DSCAM: variants seen among roughly 807,000 people sequenced by gnomAD.
DSCAM encodes cell adhesion molecule DSCAM.
DSCAM carries 47 observed loss-of-function variants against 217.7 expected under a neutral mutation model. The ratio of observed to expected loss-of-function variants is 0.22; its 90% CI spans 0.17 to 0.28. DSCAM has a LOEUF of 0.28. DSCAM is among the 10% of genes least tolerant of loss of function. The pLI, the probability that DSCAM is intolerant of heterozygous loss-of-function variation, is 1.00. For missense variants in DSCAM, 2,080 were observed against 2,618.3 expected, an observed-to-expected ratio of 0.79 and a Z score of 4.49; for synonymous variants, 1,056 against 1,015.3, an observed-to-expected ratio of 1.04 and a Z score of -0.76.
rs191035347 is a variant in DSCAM, at chr21:40,468,911, A to C, written c.509-99666T>G. On this transcript the variant is annotated intron_variant, in intron 3 of 32. Transcript: ENST00000400454. Reference sequence around the variant, plus strand: ...AAATTCCAGCGGGAGAGAAAGGTGGAAAGAGTAGGAATGGTATCATCCATA... The same window carrying C: ...AAATTCCAGCGGGAGAGAAAGGTGGCAAGAGTAGGAATGGTATCATCCATA... 2.9e-4 allele frequency among the ~76,000 whole-genome samples: 44 copies of C among 152,264 alleles called. 1 individual carries two copies. Among genetic ancestry groups the C allele is most frequent in the Admixed American group, 7.2e-4 (11 of 15,302 alleles).
At chr21:40,820,643 A>G (rs2091916992) in intron 1 of DSCAM, among the ~76,000 whole-genome samples, 1 of 152,224 alleles carries the variant, frequency 6.6e-6, no homozygotes, top group Non-Finnish European at 1.5e-5. Context: ...TTTTTAAATT[A>G]GGGTCATAAA....
intron 10 of DSCAM, among the ~76,000 whole-genome samples, chr21:40,278,257 T>C (rs2073715002): frequency 6.6e-6 from 1 of 152,202 alleles, no homozygotes; most frequent in Admixed American, 6.5e-5. Context: ...TTATACCATG[T>C]TCATGAATAA....
At chr21:40,764,644 T>G (rs2091369128) in intron 1 of DSCAM, among the ~76,000 whole-genome samples, 1 of 152,168 alleles carries the variant, frequency 6.6e-6, no homozygotes, top group African/African-American at 2.4e-5. Context: ...TAAAGACACA[T>G]GCACATGTAT....
rs142749024 is a variant in DSCAM, at chr21:40,212,628, C to T, written c.2357-23390G>A. Reference sequence around the variant, plus strand: ...GACAAAGAGCAATTTATATGGTTGGCAATAAAGCAGGTTTTTTAGGGGTTG... The same window carrying T: ...GACAAAGAGCAATTTATATGGTTGGTAATAAAGCAGGTTTTTTAGGGGTTG... On this transcript the variant is annotated intron_variant, in intron 11 of 32. Transcript: ENST00000400454. 1.8e-3 allele frequency among the ~76,000 whole-genome samples: 279 copies of T among 152,078 alleles called. 4 individuals are homozygous for T. In the East Asian group the frequency reaches 0.028, roughly 15 times the overall value.
chr21:40,083,874 A>G (rs1222054566), intron 24 of DSCAM, 34 bp downstream of exon 24: 1 of 1,548,182 alleles, frequency 6.5e-7, no homozygotes, highest in Non-Finnish European at 8.8e-7. Flanking sequence ...TCACACAACT[A>G]ATCAACTATT....
chr21:40,737,269 T>A (rs2091073361), intron 1 of DSCAM, among the ~76,000 whole-genome samples: 1 of 152,166 alleles, frequency 6.6e-6, no homozygotes, highest in African/African-American at 2.4e-5. Context: ...TGTATATATA[T>A]AAAAAATAGA....
At chr21:40,045,796 T>G (rs1178982069) in intron 30 of DSCAM, among the ~76,000 whole-genome samples, 1 of 152,212 alleles carries the variant, frequency 6.6e-6, no homozygotes, top group Non-Finnish European at 1.5e-5. Context: ...GGAGCAAAAC[T>G]GACAGGGCCG....
intron 8 of DSCAM, among the ~76,000 whole-genome samples, chr21:40,313,950 C>G (rs1435047254): frequency 6.6e-6 from 1 of 152,110 alleles, no homozygotes; most frequent in African/African-American, 2.4e-5. Flanking sequence ...AAGTCCATTT[C>G]AACTATCAGC....
At chr21:40,546,022 G>T (rs2837695) in intron 3 of DSCAM, among the ~76,000 whole-genome samples, 1 of 152,050 alleles carries the variant, frequency 6.6e-6, no homozygotes, top group African/African-American at 2.4e-5. Flanking sequence ...TAACCTGGTC[G>T]TAATACTTAA....
At chr21:40,721,583 C>A (rs1488603916) in intron 1 of DSCAM, among the ~76,000 whole-genome samples, 1 of 152,038 alleles carries the variant, frequency 6.6e-6, no homozygotes, top group African/African-American at 2.4e-5. Context: ...TCAGAAGAAA[C>A]TGTCAATGAA....
chr21:40,064,823 G>A (rs1295058160), intron 27 of DSCAM, among the ~76,000 whole-genome samples: 1 of 152,174 alleles, frequency 6.6e-6, no homozygotes, highest in Non-Finnish European at 1.5e-5. Context: ...AAGGAGATGT[G>A]ACTTTGTATT....
rs560421082 is a variant in DSCAM at position 40,708,676 on chromosome 21, G to C, written c.139C>G (p.Pro47Ala). 7 of 1,612,992 alleles carry C rather than the reference G, an allele frequency of 4.3e-6. No homozygotes were observed. In the South Asian group the frequency reaches 7.7e-5, roughly 18 times the overall value. ...GTCACAGGAGGGATGCCTGCTGCGGGGCAGGGCACCAGAGTCCCCGTGGTG... is the reference window on the plus strand; with the variant it reads ...GTCACAGGAGGGATGCCTGCTGCGGCGCAGGGCACCAGAGTCCCCGTGGTG... ...ASTTGTLVPCPAAGIPPVTLR... is the reference protein window; with the variant it reads ...ASTTGTLVPCAAAGIPPVTLR... Residue 47 changes from proline to alanine, a missense_variant, in exon 2 of 33, where the codon CCC becomes GCC. Pro to Ala is a conservative substitution (Grantham distance 27). Transcript: ENST00000400454.
At chr21:40,478,105 AAT>A (rs1184331530) in intron 3 of DSCAM, among the ~76,000 whole-genome samples, 6 of 152,192 alleles carry the variant, frequency 3.9e-5, no homozygotes, top group Non-Finnish European at 2.9e-5. Context: ...AACCACACAG[AAT>A]ATATTCTCTT....
At chr21:40,559,181 G>A (rs1019038078) in intron 3 of DSCAM, among the ~76,000 whole-genome samples, 4 of 109,776 alleles carry the variant, frequency 3.6e-5, no homozygotes, top group East Asian at 2.9e-4. Flanking sequence ...AAAGTAGGCC[G>A]GGCACGGTGG....
chr21:40,563,486 T>TA (rs2076736518), intron 3 of DSCAM, among the ~76,000 whole-genome samples: 1 of 147,312 alleles, frequency 6.8e-6, no homozygotes, highest in African/African-American at 2.5e-5. Flanking sequence ...TGTTTATATA[T>TA]GTATAAAACA....
chr21:40,641,026 A>G (rs2089871439), intron 3 of DSCAM, among the ~76,000 whole-genome samples: 1 of 152,252 alleles, frequency 6.6e-6, no homozygotes, highest in Non-Finnish European at 1.5e-5. Flanking sequence ...ACAACTGCAT[A>G]AGAGCCCTAC....
At chr21:40,313,171 C>A (rs992969656) in intron 8 of DSCAM, among the ~76,000 whole-genome samples, 2 of 150,772 alleles carry the variant, frequency 1.3e-5, no homozygotes, top group African/African-American at 4.9e-5. Context: ...TGTTAAAGTT[C>A]TCTGTTATGT....
intron 3 of DSCAM, among the ~76,000 whole-genome samples, chr21:40,600,341 G>C (rs984460565): frequency 6.6e-6 from 1 of 152,164 alleles, no homozygotes; most frequent in Non-Finnish European, 1.5e-5. Flanking sequence ...CTGGTTCATA[G>C]ATGGTGATTC....
chr21:40,198,717 G>A (rs2091040595), intron 11 of DSCAM, among the ~76,000 whole-genome samples: 1 of 152,250 alleles, frequency 6.6e-6, no homozygotes, highest in African/African-American at 2.4e-5. Flanking sequence ...CAGGGGGCAG[G>A]AAAGTGAACA....
Sources: gnomAD v4.1 joint callset for allele counts (sites outside exome capture counted in the v4.1 genomes callset) on GRCh38, gnomAD v4.1.1 for gene constraint, MANE v1.5 for transcripts, NCBI Gene and HGNC (gene_info 2026-07-23, HGNC 2026-07-21) for gene names.